FASTKD2: variants seen among roughly 807,000 people sequenced by gnomAD.
The protein encoded by FASTKD2 is FAST kinase domains 2.
Under a neutral mutation model 63.6 loss-of-function variants are expected in FASTKD2, and 51 were observed. The ratio of observed to expected loss-of-function variants is 0.80; its 90% CI spans 0.64 to 1.01. The LOEUF (loss-of-function observed/expected upper bound fraction) is 1.01, where lower values mean the gene tolerates loss of function less well. FASTKD2 is among the 50% of genes least tolerant of loss of function. The probability of loss-of-function intolerance (pLI) is 0.00; values close to 1 mark genes in which losing one functional copy is unlikely to be tolerated. For synonymous variants in FASTKD2, 284 were observed against 293.4 expected (o/e 0.97, Z 0.33); for missense variants, 786 against 831.1 (o/e 0.95, Z 0.67).
chr2:206,794,590 T>A lies in FASTKD2; in HGVS notation c.*2788T>A, dbSNP rs1690391505. On this transcript the variant is annotated 3_prime_UTR_variant, in exon 12 of 12. Transcript: ENST00000402774. The stretch of plus-strand genomic sequence containing the variant: ...TACCAGCTCTCCGAATTCTCAGTAG[T>A]TACCACTGAATAGAAACTTTCTTTA... Among the ~76,000 whole-genome samples the A allele has an allele frequency of 6.6e-6, 1 of 152,182 alleles. No individual in the cohort carries two copies. Among genetic ancestry groups the A allele is most frequent in the African/African-American group, 2.4e-5 (1 of 41,440 alleles).
At chr2:206,770,651 A>T (rs1046790767) in intron 3 of FASTKD2, among the ~76,000 whole-genome samples, 17 of 150,262 alleles carry the variant, frequency 1.1e-4, no homozygotes, top group Non-Finnish European at 2.2e-4. Flanking sequence ...AATGGCGTGA[A>T]CCCAGGAGGC....
At chr2:206,770,619 G>C (rs746805174) in intron 3 of FASTKD2, among the ~76,000 whole-genome samples, 2 of 151,276 alleles carry the variant, frequency 1.3e-5, no homozygotes, top group African/African-American at 4.9e-5. Context: ...AGTCCCAGCT[G>C]CTTGGGAGGC....
intron 11 of FASTKD2, 197 bp from the exon 12 acceptor site, chr2:206,791,486 A>T: frequency 3.5e-6 from 2 of 575,164 alleles, no homozygotes; most frequent in Non-Finnish European, 6.1e-6. Flanking sequence ...TAAAATTTGT[A>T]TAATTTTCAC....
chr2:206,766,767 T>C lies in FASTKD2; in HGVS notation c.74T>C (p.Phe25Ser), dbSNP rs2105969590. 6.2e-7 allele frequency: 1 copy of C among 1,613,984 alleles called. No homozygotes were observed. The highest frequency in any genetic ancestry group is 2.2e-5 in the East Asian group (1 of 44,856). ...SKMNNKAGSF[F>S]WNLRQFSTLV... ...ATGAATAACAAAGCGGGCTCCTTTT[T>C]CTGGAACCTTAGACAATTCAGTACA... Residue 25 changes from phenylalanine (F) to serine (S), a missense_variant, in exon 2 of 12, where the codon TTC (phenylalanine) becomes TCC (serine). Physicochemically the swap from Phe to Ser is radical, Grantham distance 155. Coordinates refer to ENST00000402774, the MANE Select transcript of FASTKD2 (RefSeq NM_001136193.2).
chr2:206,767,743 T>C (rs879504893), intron 2 of FASTKD2, among the ~76,000 whole-genome samples: 1 of 152,086 alleles, frequency 6.6e-6, no homozygotes, highest in Non-Finnish European at 1.5e-5. Flanking sequence ...AGATGCAAGA[T>C]ATACAAAGAA....
intron 7 of FASTKD2, among the ~76,000 whole-genome samples, chr2:206,779,991 TAAC>T (rs1689924675): frequency 6.6e-6 from 1 of 152,202 alleles, no homozygotes; most frequent in Non-Finnish European, 1.5e-5. Flanking sequence ...GAAAACAACT[TAAC>T]TTCCATTGCA....
At chr2:206,786,591 CTTA>C in intron 7 of FASTKD2, 139 bp from the exon 8 acceptor site, 1 of 773,422 alleles carries the variant, frequency 1.3e-6, no homozygotes, top group East Asian at 2.5e-5. Context: ...AATGTATACA[CTTA>C]TTATGAGATA....
chr2:206,792,084 C>T lies in FASTKD2; in HGVS notation c.*282C>T, dbSNP rs1376818983. 1 of 409,838 alleles carries T rather than the reference C, an allele frequency of 2.4e-6. No homozygotes were observed. Among genetic ancestry groups the T allele is most frequent in the Non-Finnish European group, 4.5e-6 (1 of 221,822 alleles). 25.4% of individuals were successfully genotyped at this position (409,838 alleles called of 1,614,324 possible). The stretch of plus-strand genomic sequence containing the variant: ...GTTTCACCTTTTCATCTTTGATCTA[C>T]TAAAAACTGGTTTCTTAGTTGTGAG... On this transcript the variant is annotated 3_prime_UTR_variant, in exon 12 of 12. Coordinates refer to ENST00000402774, the MANE Select transcript of FASTKD2 (RefSeq NM_001136193.2).
At position 206,766,763 on chromosome 2, in the gene FASTKD2, T is replaced by A; in HGVS notation, c.70T>A (p.Phe24Ile). The change falls in exon 2 of 12, where the codon TTT becomes ATT. Residue 24 changes from phenylalanine (F) to isoleucine (I), a missense_variant. Physicochemically the swap from Phe to Ile is conservative, Grantham distance 21. Transcript: ENST00000402774. ...CAAAATGAATAACAAAGCGGGCTCC[T>A]TTTTCTGGAACCTTAGACAATTCAG... ...ESKMNNKAGS[F>I]FWNLRQFSTL... 1 of 1,613,520 alleles carries A rather than the reference T, an allele frequency of 6.2e-7. No individual in the cohort carries two copies. The highest frequency in any genetic ancestry group is 1.1e-5 in the South Asian group (1 of 90,982).
intron 7 of FASTKD2, among the ~76,000 whole-genome samples, chr2:206,781,581 G>A (rs758893750): frequency 3.3e-5 from 5 of 151,702 alleles, no homozygotes; most frequent in Non-Finnish European, 7.4e-5. Flanking sequence ...CTCCCAAAGT[G>A]CTGGGATTAC....
At chr2:206,779,546 G>A (rs1195470768) in intron 7 of FASTKD2, among the ~76,000 whole-genome samples, 4 of 152,158 alleles carry the variant, frequency 2.6e-5, no homozygotes, top group African/African-American at 4.8e-5. Context: ...GAGAAAGGGC[G>A]AGGAAGTGCT....
chr2:206,772,966 T>G (rs764935996), intron 6 of FASTKD2, among the ~76,000 whole-genome samples: 9 of 152,234 alleles, frequency 5.9e-5, no homozygotes, highest in Non-Finnish European at 1.0e-4. Flanking sequence ...TACTATTCTA[T>G]CCTTTGGTCA....
chr2:206,776,999 A>T (rs12467191), intron 7 of FASTKD2, among the ~76,000 whole-genome samples: 1 of 142,440 alleles, frequency 7.0e-6, no homozygotes, highest in African/African-American at 2.5e-5. Flanking sequence ...TTCAATATAC[A>T]AGTCTTTCAC....
intron 4 of FASTKD2, among the ~76,000 whole-genome samples, chr2:206,771,653 CAAAAAAAAAAA>C (rs71034472): frequency 6.6e-3 from 292 of 44,560 alleles, no homozygotes; most frequent in Middle Eastern, 0.017. Context: ...CCTGTCTCTG[CAAAAAAAAAAA>C]AAAAAAAAAA....
intron 6 of FASTKD2, among the ~76,000 whole-genome samples, chr2:206,773,991 C>G (rs1304886446): frequency 6.6e-6 from 1 of 152,054 alleles, no homozygotes. Flanking sequence ...ATTGTATGCC[C>G]TGGTTCTCAG....
intron 7 of FASTKD2, among the ~76,000 whole-genome samples, chr2:206,776,673 G>A (rs1481269004): frequency 6.6e-6 from 1 of 151,604 alleles, no homozygotes; most frequent in Non-Finnish European, 1.5e-5. Context: ...TCTTTTTTAT[G>A]CCAGTACCAT....
Position 206,791,899 on chromosome 2 carries a change from A to G in FASTKD2, c.*97A>G. ...CAATGGAATTGAGCTATCTGCTAAG[A>G]CAAAAAATGTTACCTCAGTTCACTA... On this transcript the variant is annotated 3_prime_UTR_variant, in exon 12 of 12. Transcript: ENST00000402774. 1 of 1,118,298 alleles carries G rather than the reference A, an allele frequency of 8.9e-7. No homozygotes were observed. Among genetic ancestry groups the G allele is most frequent in the Non-Finnish European group, 1.3e-6 (1 of 762,322 alleles). 69.3% of individuals were successfully genotyped at this position (1,118,298 alleles called of 1,614,324 possible).
In FASTKD2 at chr2:206,792,008, C is replaced by A; in HGVS notation, c.*206C>A. 1 of 571,102 alleles carries A rather than the reference C, an allele frequency of 1.8e-6. No homozygotes were observed. The highest frequency in any genetic ancestry group is 3.1e-6 in the Non-Finnish European group (1 of 321,560). The allele number at this position is 571,102 out of a possible 1,614,324, so 35.4% of individuals were successfully genotyped here. A position where few individuals can be genotyped will look rare whatever the true frequency, so the allele number is the denominator to read the frequency against. On this transcript the variant is annotated 3_prime_UTR_variant, in exon 12 of 12. Coordinates refer to ENST00000402774, the MANE Select transcript of FASTKD2 (RefSeq NM_001136193.2). ...GAAAATTCCAGAAGGGTTATTTTTCCAACCACACCTATTCCCTCTAGTGCC... is the reference window on the plus strand; with the variant it reads ...GAAAATTCCAGAAGGGTTATTTTTCAAACCACACCTATTCCCTCTAGTGCC...
At position 206,794,290 on chromosome 2, in the gene FASTKD2, T is replaced by C. The variant is rs6435351; in HGVS notation, c.*2488T>C. ...TATTAAATGCTCATTTTGTGTGAGA[T>C]ATCCAAATATTTTTTTCAGAATCCC... On this transcript the variant is annotated 3_prime_UTR_variant, in exon 12 of 12. Coordinates refer to ENST00000402774, the MANE Select transcript of FASTKD2 (RefSeq NM_001136193.2). 0.13 allele frequency among the ~76,000 whole-genome samples: 19,202 copies of C among 152,260 alleles called. 1,817 individuals are homozygous for C. Among genetic ancestry groups the C allele is most frequent in the African/African-American group, 0.27 (11,232 of 41,510 alleles).
Sources: allele counts gnomAD v4.1 joint callset (sites outside exome capture counted in the v4.1 genomes callset), GRCh38; gene constraint gnomAD v4.1.1; transcripts MANE v1.5; gene names NCBI Gene and HGNC (gene_info 2026-07-23, HGNC 2026-07-21).